DACH1: variants seen among roughly 807,000 people sequenced by gnomAD.
DACH1 encodes dachshund homolog 1.
Under a neutral mutation model 54.2 loss-of-function variants are expected in DACH1, and 12 were observed. The observed-to-expected ratio is 0.22, with a 90% CI of 0.14 to 0.36. DACH1 has a LOEUF of 0.36. Among genes scored for constraint, DACH1 ranks in the 10% least tolerant of loss-of-function variants. DACH1 has a pLI of 1.00. For synonymous variants in DACH1, 386 were observed against 366.2 expected (o/e 1.05, Z -0.62); for missense variants, 805 against 929.8 (o/e 0.87, Z 1.75).
intron 3 of DACH1, among the ~76,000 whole-genome samples, chr13:71,609,121 A>G (rs1875110425): frequency 6.6e-6 from 1 of 152,134 alleles, no homozygotes; most frequent in Admixed American, 6.5e-5. Flanking sequence ...ACAATAGTAT[A>G]AAATTTATTC....
At chr13:71,675,080 A>T in intron 2 of DACH1, 3 of 1,530,372 alleles carry the variant, frequency 2.0e-6, no homozygotes, top group Non-Finnish European at 2.7e-6. Context: ...CGTACAAAGC[A>T]GACTGCCCGC....
intron 2 of DACH1, among the ~76,000 whole-genome samples, chr13:71,656,921 C>CATATATATATATATAT (rs71123235): frequency 0.026 from 2,201 of 83,122 alleles, 62 homozygotes; most frequent in Non-Finnish European, 0.034. Flanking sequence ...GTTCTTCTTT[C>CATATATATATATATAT]ATATATATAT....
chr13:71,468,598 T>G (rs889635844), intron 10 of DACH1, among the ~76,000 whole-genome samples: 1 of 152,202 alleles, frequency 6.6e-6, no homozygotes, highest in Non-Finnish European at 1.5e-5. Flanking sequence ...GGATACAATT[T>G]AGTGCTGTTA....
At chr13:71,780,569 C>T (rs1033989347) in intron 1 of DACH1, among the ~76,000 whole-genome samples, 2 of 151,524 alleles carry the variant, frequency 1.3e-5, no homozygotes, top group Non-Finnish European at 2.9e-5. Flanking sequence ...ACTCTTGAAC[C>T]TGGGAGACGG....
chr13:71,516,672 G>A (rs537795293), intron 6 of DACH1, among the ~76,000 whole-genome samples: 11 of 151,772 alleles, frequency 7.2e-5, no homozygotes, highest in Non-Finnish European at 1.5e-4. Context: ...GATCAACATT[G>A]TACTAAAATA....
chr13:71,604,006 T>C (rs951899830), intron 3 of DACH1, among the ~76,000 whole-genome samples: 2 of 151,902 alleles, frequency 1.3e-5, no homozygotes, highest in Admixed American at 1.3e-4. Flanking sequence ...AGTCTCCTAG[T>C]TTATGCCATT....
At chr13:71,494,037 T>C (rs1347982233) in intron 6 of DACH1, among the ~76,000 whole-genome samples, 3 of 152,126 alleles carry the variant, frequency 2.0e-5, no homozygotes, top group Non-Finnish European at 4.4e-5. Context: ...CCCAATACCT[T>C]TGATGGCAAA....
chr13:71,839,135 AT>A (rs1370718319), intron 1 of DACH1, among the ~76,000 whole-genome samples: 3 of 152,222 alleles, frequency 2.0e-5, no homozygotes, highest in African/African-American at 7.2e-5. Context: ...GAAAAATAAT[AT>A]TTGACCTCTG....
At chr13:71,526,684 T>C (rs1021797855) in intron 6 of DACH1, among the ~76,000 whole-genome samples, 2 of 150,390 alleles carry the variant, frequency 1.3e-5, no homozygotes, top group Non-Finnish European at 3.0e-5. Context: ...TCTGCCATGA[T>C]CATACATACA....
chr13:71,502,445 T>C lies in DACH1; in HGVS notation c.1571-13297A>G, dbSNP rs34242229. ...GGAAATTTCTCCACCCTACACCTTA[T>C]CAAATGCTAACCATACCAACAAGGT... On this transcript the variant is annotated intron_variant, in intron 6 of 10. Coordinates refer to ENST00000613252, the MANE Select transcript of DACH1 (RefSeq NM_080759.6). 7.5e-3 allele frequency among the ~76,000 whole-genome samples: 1,137 copies of C among 152,298 alleles called. 4 individuals are homozygous for C. The highest frequency in any genetic ancestry group is 0.013 in the Non-Finnish European group (866 of 68,020).
intron 1 of DACH1, among the ~76,000 whole-genome samples, chr13:71,748,882 CTTTCTTTCTTTCTTTCTCTTTCTT>C (rs1378668255): frequency 0.015 from 277 of 18,778 alleles, 1 homozygote; most frequent in South Asian, 0.042. Flanking sequence ...TTCTTTCTTT[CTTTCTTTCTTTCTTTCTCTTTCTT>C]TCTTTCTTTC....
intron 2 of DACH1, among the ~76,000 whole-genome samples, chr13:71,654,433 A>G (rs183695849): frequency 8.6e-5 from 12 of 139,172 alleles, no homozygotes; most frequent in African/African-American, 3.3e-4. Flanking sequence ...ATAAAATAAA[A>G]TAAAATAAAA....
At chr13:71,779,290 T>A (rs1476446604) in intron 1 of DACH1, among the ~76,000 whole-genome samples, 1 of 132,276 alleles carries the variant, frequency 7.6e-6, no homozygotes, top group East Asian at 2.0e-4. Context: ...TACGTATATA[T>A]ACACATATAT....
At chr13:71,529,017 T>C (rs1241510612) in intron 6 of DACH1, among the ~76,000 whole-genome samples, 4 of 152,190 alleles carry the variant, frequency 2.6e-5, no homozygotes, top group Admixed American at 6.5e-5. Context: ...GGACCTTTAA[T>C]TGATAACAGA....
At chr13:71,575,040 T>C (rs532147329) in intron 3 of DACH1, among the ~76,000 whole-genome samples, 37 of 152,148 alleles carry the variant, frequency 2.4e-4, no homozygotes, top group African/African-American at 7.9e-4. Flanking sequence ...ACATCTGCTC[T>C]TTACATTGCC....
chr13:71,866,287 G>GCTGCTA lies in DACH1; in HGVS notation c.477_482dup (p.Ser162_Ser163dup). ...TCCCGGGGAGGGGGCCGCAGCTGCT[G>GCTGCTA]CTGCTACTGCTGCTGCTGCTACTAC... On this transcript the variant is annotated inframe_insertion, in exon 1 of 11. Transcript: ENST00000613252. 2 of 1,571,532 alleles carry GCTGCTA rather than the reference G, an allele frequency of 1.3e-6. No individual in the cohort carries two copies. Among genetic ancestry groups the GCTGCTA allele is most frequent in the Admixed American group, 1.9e-5 (1 of 53,278 alleles).
At chr13:71,528,181 G>A (rs978922659) in intron 6 of DACH1, among the ~76,000 whole-genome samples, 1 of 152,026 alleles carries the variant, frequency 6.6e-6, no homozygotes, top group Non-Finnish European at 1.5e-5. Context: ...ATGACACACC[G>A]TATATACCAT....
chr13:71,862,950 A>G (rs956247528), intron 1 of DACH1, among the ~76,000 whole-genome samples: 1 of 152,064 alleles, frequency 6.6e-6, no homozygotes, highest in Admixed American at 6.5e-5. Flanking sequence ...TAGTAATTTT[A>G]TACAGTTTCC....
chr13:71,630,473 C>G lies in DACH1; in HGVS notation c.1126+83G>C. ...AAGTGCCAACTTTTTGAATGGGTAG[C>G]CAACAGTTTTGTTCTGGAAAAGCAT... On this transcript the variant is annotated intron_variant, in intron 3 of 10. Coordinates refer to ENST00000613252, the MANE Select transcript of DACH1 (RefSeq NM_080759.6). The G allele has an allele frequency of 6.2e-6, 9 of 1,447,644 alleles. No individual in the cohort carries two copies. In the East Asian group the frequency reaches 7.5e-5, roughly 12 times the overall value. The allele number at this position is 1,447,644 out of a possible 1,614,324, so 89.7% of individuals were successfully genotyped here. A position where few individuals can be genotyped will look rare whatever the true frequency, so the allele number is the denominator to read the frequency against.
Sources: gnomAD v4.1 joint callset for allele counts (sites outside exome capture counted in the v4.1 genomes callset) on GRCh38, gnomAD v4.1.1 for gene constraint, MANE v1.5 for transcripts, NCBI Gene and HGNC (gene_info 2026-07-23, HGNC 2026-07-21) for gene names.